The following PEX14 variants were observed in gnomAD, a reference collection of about 807,000 sequenced individuals.
PEX14 encodes the protein peroxisomal biogenesis factor 14.
In PEX14, 15 loss-of-function variants were observed where a neutral mutation model predicts 49.5. The ratio of observed to expected loss-of-function variants is 0.30; its 90% CI spans 0.20 to 0.47. The LOEUF (loss-of-function observed/expected upper bound fraction) is 0.47, where lower values mean the gene tolerates loss of function less well. PEX14 is among the 20% of genes least tolerant of loss of function. PEX14 has a pLI of 1.00. For synonymous variants in PEX14, 210 were observed against 212.7 expected (o/e 0.99, Z 0.11); for missense variants, 398 against 494.8 (o/e 0.80, Z 1.86).
chr1:10,581,847 C>G (rs1172559318), intron 3 of PEX14, among the ~76,000 whole-genome samples: 1 of 151,056 alleles, frequency 6.6e-6, no homozygotes, highest in Non-Finnish European at 1.5e-5. Context: ...TGCAACATTT[C>G]TTTATACTGA....
intron 2 of PEX14, among the ~76,000 whole-genome samples, chr1:10,503,610 A>T (rs1641726803): frequency 6.6e-6 from 1 of 151,630 alleles, no homozygotes; most frequent in Admixed American, 6.6e-5. Context: ...GATCTAAAGC[A>T]TAGGTATTCC....
chr1:10,626,043 C>G (rs1641737206), intron 7 of PEX14, among the ~76,000 whole-genome samples: 1 of 152,200 alleles, frequency 6.6e-6, no homozygotes, highest in Admixed American at 6.5e-5. Flanking sequence ...TTATATCTGG[C>G]TTCCAAACTC....
chr1:10,629,834 G>A lies in PEX14; in HGVS notation c.981G>A (p.Glu327=), dbSNP rs41274486. Residue 327 remains glutamate, a synonymous_variant, in exon 9 of 9, where the codon GAG becomes GAA. Transcript: ENST00000356607. This position sits in a 1 kb window ranked among gnomAD's most constrained non-coding sequence, Gnocchi z 8.5. ...AGAGGGAGGACAAGGAGGACGAGGA[G>A]GATGAGGAGGATGATGATGTGAGCC... ...EEKREDKEDE[E]DEEDDDVSHV... 58 of 1,603,220 alleles carry A rather than the reference G, an allele frequency of 3.6e-5. No homozygotes were observed. The highest frequency in any genetic ancestry group is 4.9e-5 in the Non-Finnish European group (57 of 1,171,472).
At chr1:10,584,166 T>C (rs902223845) in intron 3 of PEX14, among the ~76,000 whole-genome samples, 4 of 152,154 alleles carry the variant, frequency 2.6e-5, no homozygotes, top group Admixed American at 6.5e-5. Flanking sequence ...GGGATCTGGA[T>C]ATGAAAGAGA....
intron 2 of PEX14, among the ~76,000 whole-genome samples, chr1:10,498,678 T>A (rs1641612999): frequency 6.6e-6 from 1 of 152,190 alleles, no homozygotes; most frequent in Non-Finnish European, 1.5e-5. Context: ...AGAGGAGTAT[T>A]GCTCTCTAAT....
chr1:10,501,768 T>A (rs1331012639), intron 2 of PEX14, among the ~76,000 whole-genome samples: 1 of 151,982 alleles, frequency 6.6e-6, no homozygotes. Flanking sequence ...TTAAAAAAAA[T>A]TTAGCCAGAT....
chr1:10,514,128 G>GA lies in PEX14; in HGVS notation c.84+18813dup, dbSNP rs3215946. On this transcript the variant is annotated intron_variant, in intron 2 of 8. Coordinates refer to ENST00000356607, the MANE Select transcript of PEX14 (RefSeq NM_004565.3). This position sits in a 1 kb window ranked among gnomAD's most constrained non-coding sequence, Gnocchi z 4.4. ...AGAAAAGAAGGAAATAGAAAAAAAGGAAAAAATGTATAAAATAATCTATGC... is the reference window on the plus strand; with the variant it reads ...AGAAAAGAAGGAAATAGAAAAAAAGGAAAAAAATGTATAAAATAATCTATGC... Among the ~76,000 whole-genome samples the GA allele has an allele frequency of 6.6e-6, 1 of 150,572 alleles. No homozygotes were observed. Among genetic ancestry groups the GA allele is most frequent in the Non-Finnish European group, 1.5e-5 (1 of 67,776 alleles).
Position 10,474,990 on chromosome 1 carries a change from G to A in PEX14, c.24G>A (p.Glu8=), listed in dbSNP as rs1641167070. Residue 8 remains glutamate (E), a synonymous_variant, in exon 1 of 9, where the codon GAG becomes GAA. Coordinates refer to ENST00000356607, the MANE Select transcript of PEX14 (RefSeq NM_004565.3). MASSEQA[E]QPSQPSSTPG... is the part of the protein sequence containing the mutation. ...AGATGGCGTCCTCGGAGCAGGCAGA[G>A]CAGCCGAGCCAGGTAAGGGGAGTGG... The A allele has an allele frequency of 6.2e-7, 1 of 1,609,862 alleles. No homozygotes were observed. The highest frequency in any genetic ancestry group is 2.2e-5 in the East Asian group (1 of 44,764).
At chr1:10,547,800 C>A (rs1639219225) in intron 3 of PEX14, among the ~76,000 whole-genome samples, 1 of 152,008 alleles carries the variant, frequency 6.6e-6, no homozygotes, top group African/African-American at 2.4e-5. Context: ...CTTTTTTAGT[C>A]TATTATTATT....
chr1:10,478,894 T>C (rs1152739), intron 1 of PEX14, among the ~76,000 whole-genome samples: 112,986 of 151,468 alleles, frequency 0.75, 42,507 homozygotes, highest in African/African-American at 0.85. Context: ...TACAGGCACC[T>C]GCCACCACGC....
intron 2 of PEX14, among the ~76,000 whole-genome samples, chr1:10,528,996 G>C (rs1405569606): frequency 6.6e-6 from 1 of 152,288 alleles, no homozygotes; most frequent in African/African-American, 2.4e-5. Context: ...TTTGCTGCCA[G>C]TTGCATTTCA....
In PEX14 at chr1:10,512,033, C is replaced by T. The variant is rs1224795398; in HGVS notation, c.84+16712C>T. Among the ~76,000 whole-genome samples the T allele has an allele frequency of 1.3e-5, 2 of 152,130 alleles. No individual in the cohort carries two copies. Among genetic ancestry groups the T allele is most frequent in the African/African-American group, 4.8e-5 (2 of 41,410 alleles). ...GGAGTGCAGTGGCATAATCTTGGCTCACTGCACGCTCCGCCTCCCGGGTTT... is the reference window on the plus strand; with the variant it reads ...GGAGTGCAGTGGCATAATCTTGGCTTACTGCACGCTCCGCCTCCCGGGTTT... On this transcript the variant is annotated intron_variant, in intron 2 of 8. Transcript: ENST00000356607. This position sits in a 1 kb window ranked among gnomAD's most constrained non-coding sequence, Gnocchi z 4.6.
At chr1:10,577,517 T>G (rs1205775582) in intron 3 of PEX14, among the ~76,000 whole-genome samples, 1 of 116,818 alleles carries the variant, frequency 8.6e-6, no homozygotes, top group Non-Finnish European at 1.7e-5. Flanking sequence ...AAAATAAATT[T>G]TGGACACTAT....
rs994165283 is a variant in PEX14, at chr1:10,623,429, A to G, written c.487+308A>G. On this transcript the variant is annotated intron_variant, in intron 6 of 8. Coordinates refer to ENST00000356607, the MANE Select transcript of PEX14 (RefSeq NM_004565.3). This position sits in a 1 kb window ranked among gnomAD's most constrained non-coding sequence, Gnocchi z 4.4. ...AAGTTCATTTTTAATTTCTGCTTCT[A>G]TGAGGTTTTCAGGGGGGTTTTCAGT... The G allele has an allele frequency of 1.1e-5, 4 of 372,650 alleles. No individual in the cohort carries two copies. Among genetic ancestry groups the G allele is most frequent in the East Asian group, 6.6e-5 (1 of 15,172 alleles). The allele number at this position is 372,650 out of a possible 1,614,324, so 23.1% of individuals were successfully genotyped here.
intron 2 of PEX14, among the ~76,000 whole-genome samples, chr1:10,526,270 G>A (rs1185396953): frequency 6.7e-6 from 1 of 148,158 alleles, no homozygotes; most frequent in African/African-American, 2.5e-5. Flanking sequence ...TGCTCAGGCT[G>A]GAGTGCAGTG....
chr1:10,510,245 C>T (rs1641859379), intron 2 of PEX14, among the ~76,000 whole-genome samples: 1 of 152,224 alleles, frequency 6.6e-6, no homozygotes, highest in Non-Finnish European at 1.5e-5. Context: ...TTCATGCCTC[C>T]TTGGCATGTC....
intron 5 of PEX14, among the ~76,000 whole-genome samples, chr1:10,619,855 C>G (rs1641539477): frequency 1.3e-5 from 2 of 152,138 alleles, no homozygotes; most frequent in African/African-American, 2.4e-5. Context: ...CCTGTAATCC[C>G]AGCACTTTGG....
In PEX14 at chr1:10,485,349, G is replaced by A. The variant is rs368508586; in HGVS notation, c.37-9925G>A. Among the ~76,000 whole-genome samples, 11 of 81,780 alleles carry A rather than the reference G, an allele frequency of 1.3e-4. No individual in the cohort carries two copies. The East Asian group carries it at 4.1e-3, about 31-fold the overall frequency. 53.7% of individuals were successfully genotyped at this position (81,780 alleles called of 152,430 possible). On this transcript the variant is annotated intron_variant, in intron 1 of 8. Transcript: ENST00000356607. Reference sequence around the variant, plus strand: ...AAGAGACAGGGTCTTTTTTGTCTTTGTCGCCCAAGCTGGAGTGCAGTGGTG... The same window carrying A: ...AAGAGACAGGGTCTTTTTTGTCTTTATCGCCCAAGCTGGAGTGCAGTGGTG...
rs780394337 is a variant in PEX14 at position 10,618,426 on chromosome 1, C to T, written c.384+9C>T. The T allele has an allele frequency of 2.5e-6, 4 of 1,604,318 alleles. No individual in the cohort carries two copies. Among genetic ancestry groups the T allele is most frequent in the East Asian group, 2.2e-5 (1 of 44,836 alleles). ...TTCACCAGCTCTACAAGGTGAGTCA[C>T]CCCCAGCGGCTGCAGGTGCTGTGCC... On this transcript the variant is annotated intron_variant, in intron 5 of 8. Transcript: ENST00000356607.
Sources: allele counts gnomAD v4.1 joint callset (sites outside exome capture counted in the v4.1 genomes callset), GRCh38; gene constraint gnomAD v4.1.1; non-coding constraint Gnocchi (gnomAD v3.1); transcripts MANE v1.5; gene names NCBI Gene and HGNC (gene_info 2026-07-23, HGNC 2026-07-21).